MSANTD7: variants seen among roughly 807,000 people sequenced by gnomAD.
MSANTD7 encodes Myb/SANT DNA binding domain containing 7.
At chr10:14,839,796 T>G in the MSANTD7 span, 8 of 635,490 alleles carry the variant, frequency 1.3e-5, no homozygotes, top group Non-Finnish European at 2.2e-5. Flanking sequence ...TTTAAAATAT[T>G]GAGATAGCAG....
the MSANTD7 span, chr10:14,844,130 A>G: frequency 7.5e-7 from 1 of 1,341,606 alleles, no homozygotes; most frequent in Non-Finnish European, 9.6e-7. Context: ...CACGTTCTAG[A>G]CAGCTGGTTC....
chr10:14,842,403 C>G, the MSANTD7 span: 1 of 1,536,162 alleles, frequency 6.5e-7, no homozygotes, highest in East Asian at 2.4e-5. This position sits in a 1 kb window ranked among gnomAD's most constrained non-coding sequence, Gnocchi z 5.2. Flanking sequence ...CATCACAATG[C>G]AGATGTCTAT....
chr10:14,842,401 T>A, the MSANTD7 span: 1 of 1,536,178 alleles, frequency 6.5e-7, no homozygotes. The surrounding 1 kb of genome is among the most constrained non-coding windows in gnomAD (Gnocchi z 5.2). Flanking sequence ...TGCATCACAA[T>A]GCAGATGTCT....
At chr10:14,844,276 T>G in the MSANTD7 span, 1 of 1,083,582 alleles carries the variant, frequency 9.2e-7, no homozygotes, top group Non-Finnish European at 1.1e-6. Context: ...TTCATAGATG[T>G]GAAAGGGTTT....
At chr10:14,838,710 C>T in the MSANTD7 span, 1 of 467,786 alleles carries the variant, frequency 2.1e-6, no homozygotes, top group South Asian at 3.3e-5. Flanking sequence ...GGCGTCATGG[C>T]GGCGGGATGC....
the MSANTD7 span, chr10:14,842,451 G>C: frequency 6.5e-7 from 1 of 1,536,170 alleles, no homozygotes; most frequent in East Asian, 2.4e-5. This position sits in a 1 kb window ranked among gnomAD's most constrained non-coding sequence, Gnocchi z 5.2. Context: ...GAGGGCTTCC[G>C]CCGCACCGAA....
chr10:14,840,103 G>A, the MSANTD7 span: 2 of 1,460,078 alleles, frequency 1.4e-6, no homozygotes, highest in Non-Finnish European at 1.8e-6. Flanking sequence ...AAACAAAGTA[G>A]AATAAGAAAT....
chr10:14,846,952 C>T, the MSANTD7 span: 3 of 985,234 alleles, frequency 3.0e-6, no homozygotes, highest in Non-Finnish European at 3.6e-6. Context: ...CTTTGTTTTT[C>T]TGTTCGGTAA....
the MSANTD7 span, chr10:14,845,208 AAACT>A: frequency 3.0e-6 from 3 of 985,280 alleles, no homozygotes; most frequent in Non-Finnish European, 3.6e-6. Flanking sequence ...CTCTGTCATT[AAACT>A]AACTTAAAGC....
chr10:14,842,594 A>G, the MSANTD7 span: 1 of 1,536,214 alleles, frequency 6.5e-7, no homozygotes. The surrounding 1 kb of genome is among the most constrained non-coding windows in gnomAD (Gnocchi z 5.2). Flanking sequence ...CCGAAATCAG[A>G]TAGTGACTGA....
chr10:14,838,383 G>T, the MSANTD7 span: 2 of 1,594,782 alleles, frequency 1.3e-6, no homozygotes, highest in Non-Finnish European at 8.5e-7. Context: ...CATTCCTGCC[G>T]CTGCCGTCCC....
At chr10:14,841,034 A>G in the MSANTD7 span, 2 of 152,150 alleles carry the variant, frequency 1.3e-5, no homozygotes, top group African/African-American at 4.8e-5. Context: ...TTAAGTAAAA[A>G]TGTCCTGGTG....
At chr10:14,840,043 T>C in the MSANTD7 span, 1 of 563,442 alleles carries the variant, frequency 1.8e-6, no homozygotes, top group East Asian at 6.3e-5. Flanking sequence ...TACATTGTAA[T>C]ATATATATAT....
chr10:14,841,966 A>G, the MSANTD7 span: 9 of 436,434 alleles, frequency 2.1e-5, no homozygotes, highest in Non-Finnish European at 2.6e-5. Flanking sequence ...TTACCAAGCC[A>G]TTAGGTTCTT....
chr10:14,840,041 A>AT, the MSANTD7 span: 696 of 1,194,508 alleles, frequency 5.8e-4, 5 homozygotes, highest in South Asian at 3.7e-4. Context: ...CATACATTGT[A>AT]ATATATATAT....
chr10:14,843,498 C>T, the MSANTD7 span: 3 of 1,550,642 alleles, frequency 1.9e-6, no homozygotes, highest in Non-Finnish European at 2.6e-6. Context: ...GCACCAGCAC[C>T]AACCGCAGCA....
chr10:14,846,104 C>T, the MSANTD7 span: 1 of 982,988 alleles, frequency 1.0e-6, no homozygotes, highest in Non-Finnish European at 1.2e-6. Context: ...TTCTAAGTGC[C>T]ACACCAGACA....
chr10:14,846,826 G>C, the MSANTD7 span: 1 of 985,226 alleles, frequency 1.0e-6, no homozygotes, highest in Non-Finnish European at 1.2e-6. Context: ...ATTCAAGTAG[G>C]AGGAGGAAGA....
At chr10:14,838,956 C>T in the MSANTD7 span, among the ~76,000 whole-genome samples, 2 of 152,070 alleles carry the variant, frequency 1.3e-5, no homozygotes, top group African/African-American at 4.8e-5. Context: ...TACTTGGAGG[C>T]GGTGGTCTCT....
Sources: allele counts gnomAD v4.1 joint callset (sites outside exome capture counted in the v4.1 genomes callset), GRCh38; gene constraint gnomAD v4.1.1; non-coding constraint Gnocchi (gnomAD v3.1); transcripts MANE v1.5; gene names NCBI Gene and HGNC (gene_info 2026-07-23, HGNC 2026-07-21).